The following SFMBT1 variants were observed in gnomAD, a reference collection of about 807,000 sequenced individuals.
The protein encoded by SFMBT1 is scm-like with four MBT domains protein 1.
SFMBT1 carries 32 observed loss-of-function variants against 108.7 expected under a neutral mutation model. The ratio of observed to expected loss-of-function variants is 0.29; its 90% CI spans 0.22 to 0.40. The LOEUF is 0.40. SFMBT1 is among the 10% of genes least tolerant of loss of function. The probability of loss-of-function intolerance (pLI) is 1.00; values close to 1 mark genes in which losing one functional copy is unlikely to be tolerated. For missense variants in SFMBT1, 816 were observed against 1,059.6 expected (o/e 0.77, Z 3.19); for synonymous variants, 348 against 369.5 (o/e 0.94, Z 0.67).
chr3:52,999,545 G>A (rs1419520640), intron 1 of SFMBT1, among the ~76,000 whole-genome samples: 1 of 150,314 alleles, frequency 6.7e-6, no homozygotes, highest in African/African-American at 2.4e-5. Flanking sequence ...TATCCCTTCA[G>A]CTTCCAGAGG....
At chr3:52,930,466 G>A (rs1702821743) in intron 7 of SFMBT1, 36 bp from the exon 8 acceptor site, 2 of 1,151,590 alleles carry the variant, frequency 1.7e-6, no homozygotes, top group Middle Eastern at 3.8e-4. Context: ...TGAAAACATA[G>A]TATCTGTATC....
At chr3:52,937,441 T>C (rs1183496931) in intron 4 of SFMBT1, among the ~76,000 whole-genome samples, 1 of 152,190 alleles carries the variant, frequency 6.6e-6, no homozygotes, top group Non-Finnish European at 1.5e-5. Flanking sequence ...TAATTTTGCT[T>C]TCTAGTTGCA....
chr3:53,025,726 T>G (rs969806983), intron 1 of SFMBT1, among the ~76,000 whole-genome samples: 2 of 152,228 alleles, frequency 1.3e-5, no homozygotes, highest in African/African-American at 4.8e-5. Context: ...CATCTTTGCC[T>G]TGGTAACTCT....
In SFMBT1 at chr3:52,910,137, T is replaced by G. The variant is rs73839532; in HGVS notation, c.1906+866A>C. Among the ~76,000 whole-genome samples, 1,253 of 152,190 alleles carry G rather than the reference T, an allele frequency of 8.2e-3. 17 individuals carry two copies. The highest frequency in any genetic ancestry group is 0.029 in the African/African-American group (1,191 of 41,520). ...AGCCTTCCTCACTGTCCTATTTTGC[T>G]TGCCCACCTTGCTTCACTGTTCCCC... On this transcript the variant is annotated intron_variant, in intron 17 of 20. Transcript: ENST00000394752.
At chr3:52,947,666 C>A (rs1269894672) in intron 3 of SFMBT1, among the ~76,000 whole-genome samples, 1 of 151,466 alleles carries the variant, frequency 6.6e-6, no homozygotes, top group Non-Finnish European at 1.5e-5. Context: ...AACAGAAGTT[C>A]TTAAATTTAT....
rs142134736 is a variant in SFMBT1 at position 52,928,794 on chromosome 3, C to G, written c.898-453G>C. 2.2e-3 allele frequency among the ~76,000 whole-genome samples: 327 copies of G among 151,436 alleles called. 1 individual carries two copies. The highest frequency in any genetic ancestry group is 7.0e-3 in the African/African-American group (289 of 41,224). ...CACCGAAGCACTGCAGTCTTGACTT[C>G]CTGGGCTCAGTTGATCCTCCCACTT... On this transcript the variant is annotated intron_variant, in intron 8 of 20. Coordinates refer to ENST00000394752, the MANE Select transcript of SFMBT1 (RefSeq NM_016329.4).
At chr3:53,000,105 G>A (rs902441556) in intron 1 of SFMBT1, among the ~76,000 whole-genome samples, 10 of 149,800 alleles carry the variant, frequency 6.7e-5, no homozygotes, top group Middle Eastern at 6.8e-3. Flanking sequence ...CTCGTGATCC[G>A]CCCACCCCGG....
intron 17 of SFMBT1, among the ~76,000 whole-genome samples, chr3:52,909,010 G>A (rs1338873930): frequency 2.6e-5 from 4 of 151,770 alleles, no homozygotes; most frequent in Non-Finnish European, 1.5e-5. Flanking sequence ...ATAAATTTTA[G>A]AATATACATT....
chr3:53,030,958 A>G (rs1699663821), intron 1 of SFMBT1, among the ~76,000 whole-genome samples: 1 of 152,174 alleles, frequency 6.6e-6, no homozygotes, highest in African/African-American at 2.4e-5. Flanking sequence ...TAAAAAACTA[A>G]AGGGTTTTCC....
chr3:52,904,637 T>G lies in SFMBT1; in HGVS notation c.*499A>C, dbSNP rs1702021190. Reference sequence around the variant, plus strand: ...CATCCCCAAAATGAACTGTTTTAATTTTAAAAAGTTTAAAAACACAATGAC... The same window carrying G: ...CATCCCCAAAATGAACTGTTTTAATGTTAAAAAGTTTAAAAACACAATGAC... On this transcript the variant is annotated 3_prime_UTR_variant, in exon 21 of 21. Transcript: ENST00000394752. 1 of 152,796 alleles carries G rather than the reference T, an allele frequency of 6.5e-6. No individual in the cohort carries two copies. Among genetic ancestry groups the G allele is most frequent in the Admixed American group, 6.5e-5 (1 of 15,294 alleles). 9.5% of individuals were successfully genotyped at this position (152,796 alleles called of 1,614,324 possible).
intron 2 of SFMBT1, among the ~76,000 whole-genome samples, chr3:52,966,820 C>T (rs962791651): frequency 2.0e-5 from 3 of 151,370 alleles, no homozygotes; most frequent in African/African-American, 7.3e-5. Context: ...AAATGTTAAG[C>T]ATGTCTGATG....
intron 2 of SFMBT1, among the ~76,000 whole-genome samples, chr3:52,966,341 C>T (rs2106854218): frequency 7.2e-6 from 1 of 138,176 alleles, no homozygotes; most frequent in Admixed American, 7.3e-5. Flanking sequence ...AAAAAAAGGA[C>T]TAAAGCCGGC....
intron 3 of SFMBT1, among the ~76,000 whole-genome samples, chr3:52,950,262 C>A (rs1272249669): frequency 1.3e-5 from 2 of 152,060 alleles, no homozygotes; most frequent in Non-Finnish European, 2.9e-5. Context: ...TATTATATTT[C>A]TTTTAACTGT....
chr3:52,928,665 C>CAT (rs1277066222), intron 8 of SFMBT1, among the ~76,000 whole-genome samples: 3 of 39,166 alleles, frequency 7.7e-5, no homozygotes, highest in Admixed American at 6.7e-4. Context: ...CACATATATA[C>CAT]ATATATACAC....
intron 1 of SFMBT1, among the ~76,000 whole-genome samples, chr3:53,015,146 T>C (rs574072775): frequency 1.8e-4 from 28 of 151,572 alleles, no homozygotes; most frequent in African/African-American, 6.5e-4. Context: ...GAGGCAGAGG[T>C]TGCAGTGAGC....
chr3:53,031,596 T>TA (rs11386672), intron 1 of SFMBT1, among the ~76,000 whole-genome samples: 112,177 of 147,454 alleles, frequency 0.76, 43,970 homozygotes, highest in Non-Finnish European at 0.86. Flanking sequence ...TATAACACTG[T>TA]AAAAAAAAAA....
At chr3:52,949,790 A>G (rs11708223) in intron 3 of SFMBT1, among the ~76,000 whole-genome samples, 107,413 of 151,530 alleles carry the variant, frequency 0.71, 38,469 homozygotes, top group South Asian at 0.87. Context: ...TGTTGGTCAG[A>G]CTGGTCTTGA....
chr3:52,945,148 A>C (rs867174735), intron 3 of SFMBT1, among the ~76,000 whole-genome samples: 1 of 147,316 alleles, frequency 6.8e-6, no homozygotes, highest in Non-Finnish European at 1.5e-5. Context: ...AAAAAAAAAA[A>C]AAACAAGGAC....
intron 2 of SFMBT1, among the ~76,000 whole-genome samples, chr3:52,965,848 TA>T (rs1394202041): frequency 1.4e-5 from 2 of 146,910 alleles, no homozygotes; most frequent in Non-Finnish European, 3.0e-5. Context: ...CTACCAAAAA[TA>T]CAAAAAATTA....
Sources: allele counts gnomAD v4.1 joint callset (sites outside exome capture counted in the v4.1 genomes callset), GRCh38; gene constraint gnomAD v4.1.1; transcripts MANE v1.5; gene names NCBI Gene and HGNC (gene_info 2026-07-23, HGNC 2026-07-21).